Variants in BCAR3 observed in about 807,000 individuals in gnomAD.
The protein encoded by BCAR3 is breast cancer anti-estrogen resistance protein 3.
BCAR3 carries 37 observed loss-of-function variants against 80.1 expected under a neutral mutation model. The observed-to-expected ratio is 0.46, with a 90% CI of 0.36 to 0.61. The LOEUF (loss-of-function observed/expected upper bound fraction) is 0.61, where lower values mean the gene tolerates loss of function less well. Among genes scored for constraint, BCAR3 ranks in the 20% least tolerant of loss-of-function variants. The pLI is 0.00. For missense variants in BCAR3, 978 were observed against 1,068.2 expected (o/e 0.92, Z 1.18); for synonymous variants, 389 against 418.9 (o/e 0.93, Z 0.87).
At chr1:93,571,191 G>A (rs896426165) in intron 9 of BCAR3, among the ~76,000 whole-genome samples, 8 of 148,770 alleles carry the variant, frequency 5.4e-5, no homozygotes, top group South Asian at 2.1e-4. Context: ...ACAACAGAGC[G>A]AGACTTCGTT....
At chr1:93,786,192 C>CAAAAAAAAAAAAAAAAAAA (rs61644309) in intron 2 of BCAR3, among the ~76,000 whole-genome samples, 2 of 23,248 alleles carry the variant, frequency 8.6e-5, no homozygotes, top group African/African-American at 2.0e-4. Context: ...GACTCCGTCT[C>CAAAAAAAAAAAAAAAAAAA]AAAAAAAAAA....
chr1:93,756,265 A>T (rs1267902046), intron 2 of BCAR3, among the ~76,000 whole-genome samples: 1 of 152,134 alleles, frequency 6.6e-6, no homozygotes, highest in Non-Finnish European at 1.5e-5. Context: ...CTCTTAGAAA[A>T]CAATGGTTGG....
intron 2 of BCAR3, among the ~76,000 whole-genome samples, chr1:93,665,908 T>C (rs534416668): frequency 2.0e-5 from 3 of 152,242 alleles, no homozygotes; most frequent in South Asian, 4.2e-4. Context: ...TGCTTGACTA[T>C]ACCTCTCCCC....
chr1:93,595,723 G>C (rs992758559), intron 3 of BCAR3, among the ~76,000 whole-genome samples: 1 of 152,244 alleles, frequency 6.6e-6, no homozygotes, highest in Non-Finnish European at 1.5e-5. Flanking sequence ...ACAGGTTAGT[G>C]AGAGGTGACC....
rs369688820 is a variant in BCAR3, at chr1:93,672,973, G to T, written c.317+1641C>A. Among the ~76,000 whole-genome samples the T allele has an allele frequency of 3.2e-4, 48 of 152,210 alleles. 1 individual carries two copies. The South Asian group carries it at 7.5e-3, about 24-fold the overall frequency. ...CCACAGGCCATTCCAGTTCCTTTTG[G>T]GGTTTTCAAACATGCCAAACTTGCT... On this transcript the variant is annotated intron_variant, in intron 2 of 11. Transcript: ENST00000260502.
chr1:93,842,842 C>T (rs1487807391), intron 2 of BCAR3, among the ~76,000 whole-genome samples: 6 of 152,170 alleles, frequency 3.9e-5, no homozygotes, highest in East Asian at 3.8e-4. Flanking sequence ...TTTGTCTTGA[C>T]GTTATGTTTT....
At chr1:93,686,123 A>G (rs1398865666), upstream of BCAR3, among the ~76,000 whole-genome samples, 1 of 152,206 alleles carries the variant, frequency 6.6e-6, no homozygotes, top group Non-Finnish European at 1.5e-5. Context: ...GAAGTGAGAG[A>G]CAAGTTGGGG....
chr1:93,751,706 GC>G (rs1404621442), intron 2 of BCAR3, among the ~76,000 whole-genome samples: 1 of 152,032 alleles, frequency 6.6e-6, no homozygotes, highest in Non-Finnish European at 1.5e-5. Context: ...TTTCCTCTTG[GC>G]CCCCAGAGCC....
intron 2 of BCAR3, among the ~76,000 whole-genome samples, chr1:93,741,600 C>T (rs1176183884): frequency 6.6e-6 from 1 of 152,164 alleles, no homozygotes; most frequent in Non-Finnish European, 1.5e-5. Context: ...GACAGAGTTT[C>T]ACTCTTGTCG....
intron 3 of BCAR3, among the ~76,000 whole-genome samples, chr1:93,702,383 G>A (rs1649675030): frequency 6.6e-6 from 1 of 152,200 alleles, no homozygotes; most frequent in Non-Finnish European, 1.5e-5. Flanking sequence ...CAGCCCAACT[G>A]TCTCCTGACT....
chr1:93,729,185 A>G (rs535829190), intron 2 of BCAR3, among the ~76,000 whole-genome samples: 31 of 152,328 alleles, frequency 2.0e-4, no homozygotes, highest in African/African-American at 7.0e-4. Context: ...TTATGGGGTT[A>G]TGTCCCTATA....
At chr1:93,640,702 C>T (rs1006720089) in intron 3 of BCAR3, among the ~76,000 whole-genome samples, 1 of 152,240 alleles carries the variant, frequency 6.6e-6, no homozygotes, top group Non-Finnish European at 1.5e-5. Flanking sequence ...GATGCAATAG[C>T]TTGCATAATA....
intron 2 of BCAR3, among the ~76,000 whole-genome samples, chr1:93,658,664 G>GA (rs1337875517): frequency 6.6e-6 from 1 of 152,068 alleles, no homozygotes; most frequent in Non-Finnish European, 1.5e-5. Flanking sequence ...AAACAAAAAA[G>GA]AAAGTTGAGC....
intron 3 of BCAR3, among the ~76,000 whole-genome samples, chr1:93,638,111 T>C (rs919575643): frequency 1.3e-5 from 2 of 152,170 alleles, no homozygotes; most frequent in Admixed American, 6.5e-5. Context: ...TAGCCAGCTG[T>C]GGTGGCAGAC....
chr1:93,828,454 C>T (rs1654450995), intron 2 of BCAR3, among the ~76,000 whole-genome samples: 1 of 152,192 alleles, frequency 6.6e-6, no homozygotes, highest in Non-Finnish European at 1.5e-5. Flanking sequence ...ATTCCCTGAC[C>T]TACCTTGTCT....
At chr1:93,798,172 G>A (rs1653350013) in intron 2 of BCAR3, among the ~76,000 whole-genome samples, 1 of 152,104 alleles carries the variant, frequency 6.6e-6, no homozygotes, top group South Asian at 2.1e-4. Flanking sequence ...ATATCCCAAA[G>A]GCAAAATAGG....
intron 3 of BCAR3, among the ~76,000 whole-genome samples, chr1:93,613,599 G>A (rs1265754609): frequency 6.6e-6 from 1 of 152,172 alleles, no homozygotes; most frequent in Non-Finnish European, 1.5e-5. Flanking sequence ...AGCCTACAGA[G>A]AACTGAAAGT....
At position 93,570,777 on chromosome 1, in the gene BCAR3, T is replaced by C. The variant is rs1329367172; in HGVS notation, c.1974+893A>G. On this transcript the variant is annotated intron_variant, in intron 9 of 11. Coordinates refer to ENST00000260502, the MANE Select transcript of BCAR3 (RefSeq NM_003567.4). ...CCAGATGGAGGCAGTCTCCTTCTTA[T>C]ACAACACACTTTAGCCAGATGTCTC... Among the ~76,000 whole-genome samples, 5 of 152,368 alleles carry C rather than the reference T, an allele frequency of 3.3e-5. No individual in the cohort carries two copies. In the South Asian group the frequency reaches 1.0e-3, roughly 32 times the overall value.
rs78688954 is a variant in BCAR3, at chr1:93,692,594, C to A, written c.-12+13498G>T. 8.2e-3 allele frequency among the ~76,000 whole-genome samples: 1,244 copies of A among 152,286 alleles called. 15 individuals carry two copies. Among genetic ancestry groups the A allele is most frequent in the Non-Finnish European group, 0.011 (781 of 68,014 alleles). On this transcript the variant is annotated intron_variant, in intron 3 of 13. Coordinates refer to the BCAR3 transcript ENST00000370244. ...ACCTAGAGAGGTGGGGGTTATTAAG[C>A]CCTTTTTATAGACGAGAAAATGAAA... is the stretch of plus-strand genomic sequence containing the variant.
Sources: gnomAD v4.1 joint callset for allele counts (sites outside exome capture counted in the v4.1 genomes callset) on GRCh38, gnomAD v4.1.1 for gene constraint, MANE v1.5 for transcripts, NCBI Gene and HGNC (gene_info 2026-07-23, HGNC 2026-07-21) for gene names.